PARD3: variants seen among roughly 807,000 people sequenced by gnomAD.
The protein encoded by PARD3 is par-3 family cell polarity regulator, also known as partitioning defective 3 homolog.
Under a neutral mutation model 155.4 loss-of-function variants are expected in PARD3, and 75 were observed. The observed-to-expected ratio is 0.48, with a 90% CI of 0.40 to 0.58. The LOEUF is 0.58. Ranked by LOEUF, PARD3 falls within the 20% of genes least tolerant of loss-of-function variation. The pLI is 0.00. For synonymous variants in PARD3, 576 were observed against 610.5 expected, an observed-to-expected ratio of 0.94 and a Z score of 0.83; for missense variants, 1,642 against 1,721.7, an observed-to-expected ratio of 0.95 and a Z score of 0.82.
intron 3 of PARD3, among the ~76,000 whole-genome samples, chr10:34,513,083 G>C (rs967889133): frequency 6.6e-6 from 1 of 151,858 alleles, no homozygotes; most frequent in African/African-American, 2.4e-5. Flanking sequence ...CTCATTTTTT[G>C]TCTTTAAAAT....
intron 14 of PARD3, among the ~76,000 whole-genome samples, chr10:34,357,909 T>C (rs987887283): frequency 6.6e-5 from 10 of 152,200 alleles, no homozygotes; most frequent in Non-Finnish European, 1.5e-4. Context: ...CTGTAAAATA[T>C]GCTTGTATCA....
chr10:34,546,194 CTCTT>C (rs1218829094), intron 2 of PARD3, among the ~76,000 whole-genome samples: 2 of 152,036 alleles, frequency 1.3e-5, no homozygotes, highest in Non-Finnish European at 2.9e-5. Context: ...GAAGTTAACA[CTCTT>C]TTTTTTGAAG....
chr10:34,664,255 T>C (rs1463908077), intron 2 of PARD3, among the ~76,000 whole-genome samples: 1 of 152,210 alleles, frequency 6.6e-6, no homozygotes, highest in Non-Finnish European at 1.5e-5. Context: ...CAGGCTGGAG[T>C]GCAGTAGCGT....
At chr10:34,121,012 C>T (rs1262438700) in intron 23 of PARD3, among the ~76,000 whole-genome samples, 1 of 151,104 alleles carries the variant, frequency 6.6e-6, no homozygotes, top group East Asian at 1.9e-4. Context: ...AAGCCATGAC[C>T]GTGCCATTGC....
chr10:34,629,270 T>G (rs1009257406), intron 2 of PARD3, among the ~76,000 whole-genome samples: 2 of 152,200 alleles, frequency 1.3e-5, no homozygotes, highest in African/African-American at 4.8e-5. Flanking sequence ...CTGTTAAAAT[T>G]AAATTCCAAC....
At chr10:34,690,677 C>G (rs762727538) in intron 2 of PARD3, among the ~76,000 whole-genome samples, 4 of 152,118 alleles carry the variant, frequency 2.6e-5, no homozygotes, top group African/African-American at 9.7e-5. Flanking sequence ...TTATAAGCCA[C>G]GCCTCGCTAG....
At chr10:34,143,589 G>A (rs560180957) in intron 22 of PARD3, among the ~76,000 whole-genome samples, 35 of 152,030 alleles carry the variant, frequency 2.3e-4, no homozygotes, top group Non-Finnish European at 4.7e-4. Context: ...ACTAAGCTAT[G>A]TTTTTTTAAA....
At chr10:34,635,246 A>G (rs2092426077) in intron 2 of PARD3, among the ~76,000 whole-genome samples, 1 of 152,214 alleles carries the variant, frequency 6.6e-6, no homozygotes, top group African/African-American at 2.4e-5. Flanking sequence ...TTCTGATTCT[A>G]TTTGCAGATA....
At chr10:34,726,129 T>C (rs1358599559) in intron 1 of PARD3, among the ~76,000 whole-genome samples, 1 of 152,238 alleles carries the variant, frequency 6.6e-6, no homozygotes, top group Non-Finnish European at 1.5e-5. Flanking sequence ...ACTACTTTTA[T>C]ACTTAGAACA....
chr10:34,729,576 G>A (rs957158771), intron 1 of PARD3, among the ~76,000 whole-genome samples: 1 of 151,776 alleles, frequency 6.6e-6, no homozygotes, highest in Non-Finnish European at 1.5e-5. Flanking sequence ...TATAAAAAAG[G>A]ATTGTTGTGA....
chr10:34,532,926 A>G (rs2082957268), intron 2 of PARD3, among the ~76,000 whole-genome samples: 1 of 152,214 alleles, frequency 6.6e-6, no homozygotes, highest in Admixed American at 6.5e-5. Context: ...AGTATATTAC[A>G]TAAACCTGGA....
At chr10:34,611,929 C>T (rs1256830835) in intron 2 of PARD3, among the ~76,000 whole-genome samples, 10 of 99,890 alleles carry the variant, frequency 1.0e-4, no homozygotes, top group African/African-American at 1.7e-4. Context: ...CCTGCCTCAG[C>T]GCCCCCCCTA....
chr10:34,345,727 T>C, intron 15 of PARD3: 1 of 985,454 alleles, frequency 1.0e-6, no homozygotes, highest in Non-Finnish European at 1.2e-6. Context: ...TTCCTAATTT[T>C]TTTGCCCCAT....
At chr10:34,417,386 AT>A (rs1845775162) in intron 5 of PARD3, among the ~76,000 whole-genome samples, 1 of 152,136 alleles carries the variant, frequency 6.6e-6, no homozygotes, top group Non-Finnish European at 1.5e-5. Context: ...TATGATCAAA[AT>A]TTTTATTTGG....
chr10:34,718,041 C>G (rs1357716420), intron 1 of PARD3, among the ~76,000 whole-genome samples: 1 of 151,414 alleles, frequency 6.6e-6, no homozygotes, highest in Non-Finnish European at 1.5e-5. Flanking sequence ...GTAATCCCAG[C>G]TACTTGGGAG....
At chr10:34,431,712 C>G (rs1347025489) in intron 5 of PARD3, among the ~76,000 whole-genome samples, 6 of 121,232 alleles carry the variant, frequency 4.9e-5, no homozygotes, top group African/African-American at 2.0e-4. Context: ...TGCACTCCAG[C>G]TTGGGTGACA....
intron 3 of PARD3, among the ~76,000 whole-genome samples, chr10:34,516,090 A>T (rs146576230): frequency 6.6e-6 from 1 of 151,856 alleles, no homozygotes; most frequent in Non-Finnish European, 1.5e-5. Context: ...TCAGCCTCCC[A>T]AGTAGCTGGG....
chr10:34,265,956 A>ACATTT (rs1467931242), intron 22 of PARD3, among the ~76,000 whole-genome samples: 3 of 152,182 alleles, frequency 2.0e-5, no homozygotes. Context: ...AACCCAAATG[A>ACATTT]ACCTGCCATG....
intron 22 of PARD3, among the ~76,000 whole-genome samples, chr10:34,136,530 C>G (rs1947907245): frequency 6.6e-6 from 1 of 152,046 alleles, no homozygotes; most frequent in African/African-American, 2.4e-5. Flanking sequence ...TCGGTATACA[C>G]TATGCTTCCC....
Sources: gnomAD v4.1 joint callset for allele counts (sites outside exome capture counted in the v4.1 genomes callset) on GRCh38, gnomAD v4.1.1 for gene constraint, MANE v1.5 for transcripts, NCBI Gene and HGNC (gene_info 2026-07-23, HGNC 2026-07-21) for gene names.